The following ROR1 variants were observed in gnomAD, a reference collection of about 807,000 sequenced individuals.
ROR1 encodes the protein ROR family WNT receptor 1.
In ROR1, 19 loss-of-function variants were observed where a neutral mutation model predicts 78.8. That is an observed-to-expected ratio of 0.24 (90% CI 0.17 to 0.35). The LOEUF is 0.35. ROR1 is among the 10% of genes least tolerant of loss of function. ROR1 has a pLI of 1.00. For missense variants in ROR1, 917 were observed against 1,177.8 expected (o/e 0.78, Z 3.24); for synonymous variants, 386 against 433.6 (o/e 0.89, Z 1.36).
At chr1:64,110,412 A>C (rs924447809) in intron 4 of ROR1, among the ~76,000 whole-genome samples, 5 of 152,106 alleles carry the variant, frequency 3.3e-5, no homozygotes, top group Non-Finnish European at 1.5e-5. Context: ...ACAGCCTATC[A>C]GATATAGAGC....
intron 1 of ROR1, among the ~76,000 whole-genome samples, chr1:63,998,638 A>G (rs1205609119): frequency 6.6e-6 from 1 of 152,196 alleles, no homozygotes; most frequent in African/African-American, 2.4e-5. Flanking sequence ...CTAGAAAGAC[A>G]AAAGGAACTG....
chr1:64,157,864 G>C (rs1195652049), intron 7 of ROR1, among the ~76,000 whole-genome samples: 1 of 152,150 alleles, frequency 6.6e-6, no homozygotes, highest in East Asian at 1.9e-4. Context: ...TTGACTTACT[G>C]AATGAGTGGA....
chr1:63,995,122 C>G (rs953473910), intron 1 of ROR1, among the ~76,000 whole-genome samples: 1 of 152,154 alleles, frequency 6.6e-6, no homozygotes, highest in African/African-American at 2.4e-5. Context: ...ACCCGGCAAC[C>G]AAGTCAAACT....
intron 2 of ROR1, 83 bp downstream of exon 2, chr1:64,009,459 A>C: frequency 9.2e-7 from 1 of 1,091,066 alleles, no homozygotes; most frequent in Non-Finnish European, 1.4e-6. Flanking sequence ...TTTGAAATCA[A>C]CTGTTTTTCA....
At chr1:63,946,654 A>G (rs1386455759) in intron 1 of ROR1, among the ~76,000 whole-genome samples, 2 of 152,194 alleles carry the variant, frequency 1.3e-5, no homozygotes, top group African/African-American at 4.8e-5. Flanking sequence ...GGGTGAGATG[A>G]TTTATATGAC....
intron 1 of ROR1, among the ~76,000 whole-genome samples, chr1:63,834,188 G>A (rs1220961116): frequency 6.6e-6 from 1 of 151,578 alleles, no homozygotes; most frequent in Non-Finnish European, 1.5e-5. Flanking sequence ...AGAAGCCTCC[G>A]GAAGCATGGG....
At position 64,086,102 on chromosome 1, in the gene ROR1, C is replaced by T. The variant is rs544698464; in HGVS notation, c.482+35386C>T. On this transcript the variant is annotated intron_variant, in intron 4 of 8. Coordinates refer to ENST00000371079, the MANE Select transcript of ROR1 (RefSeq NM_005012.4). The stretch of plus-strand genomic sequence containing the variant: ...AAATTTCTACCCATTCTAAAGCTTC[C>T]AGTTCCACCTAACAACTGCATTTTT... 8.5e-4 allele frequency among the ~76,000 whole-genome samples: 129 copies of T among 152,280 alleles called. 2 individuals carry two copies. The South Asian group carries it at 1.0e-2, about 12-fold the overall frequency.
intron 1 of ROR1, among the ~76,000 whole-genome samples, chr1:63,833,564 G>A (rs916412764): frequency 1.3e-5 from 2 of 152,210 alleles, no homozygotes; most frequent in Non-Finnish European, 2.9e-5. Context: ...TAGTCCCTGG[G>A]GGTGATGTGT....
intron 1 of ROR1, among the ~76,000 whole-genome samples, chr1:63,791,350 C>CT (rs1403355150): frequency 4.0e-5 from 6 of 151,890 alleles, no homozygotes; most frequent in Admixed American, 6.6e-5. Flanking sequence ...GGGGAGTCAC[C>CT]TTTTTTTCAC....
At chr1:63,790,271 C>T (rs1644717654) in intron 1 of ROR1, among the ~76,000 whole-genome samples, 1 of 152,210 alleles carries the variant, frequency 6.6e-6, no homozygotes. Flanking sequence ...TTTACTTTTA[C>T]TAAGCATTGT....
chr1:63,865,723 T>A lies in ROR1; in HGVS notation c.91+91215T>A, dbSNP rs536138880. 1.3e-4 allele frequency among the ~76,000 whole-genome samples: 20 copies of A among 152,352 alleles called. No homozygotes were observed. In the South Asian group the frequency reaches 4.1e-3, roughly 32 times the overall value. On this transcript the variant is annotated intron_variant, in intron 1 of 8. Coordinates refer to ENST00000371079, the MANE Select transcript of ROR1 (RefSeq NM_005012.4). ...ATCATCATTAATATGTGTAATAGGC[T>A]AGGTACAGTGCTTGGCACATAGCGG...
At chr1:64,066,445 G>A (rs1377637025) in intron 4 of ROR1, among the ~76,000 whole-genome samples, 1 of 151,546 alleles carries the variant, frequency 6.6e-6, no homozygotes, top group Non-Finnish European at 1.5e-5. Context: ...AGCCTCCCAA[G>A]TAGCTGGGAC....
intron 1 of ROR1, among the ~76,000 whole-genome samples, chr1:63,816,737 A>ACCAACCTTGTGAAGCCT (rs1553134177): frequency 6.6e-6 from 1 of 152,184 alleles, no homozygotes; most frequent in Non-Finnish European, 1.5e-5. Flanking sequence ...CCTTTGTCTT[A>ACCAACCTTGTGAAGCCT]CCAACCTTGT....
chr1:64,132,107 T>C (rs534453127), intron 4 of ROR1, among the ~76,000 whole-genome samples: 1 of 152,340 alleles, frequency 6.6e-6, no homozygotes, highest in African/African-American at 2.4e-5. Flanking sequence ...TGCTTTTCTC[T>C]AAAGACTTAC....
intron 1 of ROR1, among the ~76,000 whole-genome samples, chr1:63,842,109 CA>C (rs1291113135): frequency 6.6e-6 from 1 of 152,104 alleles, no homozygotes; most frequent in Non-Finnish European, 1.5e-5. Flanking sequence ...AACAAACAAA[CA>C]AAAAAACCAG....
At chr1:63,886,451 A>G (rs1258732506) in intron 1 of ROR1, among the ~76,000 whole-genome samples, 1 of 152,104 alleles carries the variant, frequency 6.6e-6, no homozygotes, top group Non-Finnish European at 1.5e-5. Flanking sequence ...TATTATACAC[A>G]TGGTTTTTGC....
chr1:63,976,356 G>T (rs10449756), intron 1 of ROR1, among the ~76,000 whole-genome samples: 1 of 152,162 alleles, frequency 6.6e-6, no homozygotes, highest in East Asian at 1.9e-4. Flanking sequence ...CTACCCCACA[G>T]CCATCTCTCT....
rs150555548 is a variant in ROR1 at position 63,988,532 on chromosome 1, G to A, written c.92-20773G>A. Among the ~76,000 whole-genome samples the A allele has an allele frequency of 3.6e-3, 549 of 152,270 alleles. 1 individual carries two copies. The highest frequency in any genetic ancestry group is 5.6e-3 in the Non-Finnish European group (379 of 68,028). ...CATTTTAGGTGTGCAGTTCAGCTGC[G>A]TTAAGTACATTTCACATTGTTGTGT... On this transcript the variant is annotated intron_variant, in intron 1 of 8. Transcript: ENST00000371079.
intron 1 of ROR1, among the ~76,000 whole-genome samples, chr1:63,783,624 A>G (rs1430091218): frequency 6.6e-6 from 1 of 152,182 alleles, no homozygotes; most frequent in East Asian, 1.9e-4. Flanking sequence ...CCAAAGCAGA[A>G]TCCAGGCTAA....
Sources: gnomAD v4.1 joint callset for allele counts (sites outside exome capture counted in the v4.1 genomes callset) on GRCh38, gnomAD v4.1.1 for gene constraint, MANE v1.5 for transcripts, NCBI Gene and HGNC (gene_info 2026-07-23, HGNC 2026-07-21) for gene names.